The following ST6GALNAC5 variants were observed in gnomAD, a reference collection of about 807,000 sequenced individuals.
The protein encoded by ST6GALNAC5 is alpha-N-acetylgalactosaminide alpha-2,6-sialyltransferase 5.
In ST6GALNAC5, 27 loss-of-function variants were observed where a neutral mutation model predicts 33.6. The observed-to-expected ratio is 0.80, with a 90% CI of 0.59 to 1.11. The LOEUF (loss-of-function observed/expected upper bound fraction) is 1.11, where lower values mean the gene tolerates loss of function less well. Among genes scored for constraint, ST6GALNAC5 ranks in the 50% least tolerant of loss-of-function variants. ST6GALNAC5 has a pLI of 0.00. For missense variants in ST6GALNAC5, 428 were observed against 454.0 expected (o/e 0.94, Z 0.52); for synonymous variants, 194 against 171.2 (o/e 1.13, Z -1.04).
At chr1:76,897,896 A>G (rs1646769566) in intron 2 of ST6GALNAC5, among the ~76,000 whole-genome samples, 1 of 152,186 alleles carries the variant, frequency 6.6e-6, no homozygotes, top group South Asian at 2.1e-4. Flanking sequence ...CAGGCCTTTG[A>G]AAAGAAGGTA....
chr1:76,973,872 G>A (rs373320096), intron 2 of ST6GALNAC5, among the ~76,000 whole-genome samples: 5 of 150,146 alleles, frequency 3.3e-5, no homozygotes, highest in African/African-American at 1.2e-4. Flanking sequence ...AGTTTCATGT[G>A]CATTTAGATA....
At chr1:76,992,138 C>T (rs1175636488) in intron 2 of ST6GALNAC5, among the ~76,000 whole-genome samples, 5 of 152,094 alleles carry the variant, frequency 3.3e-5, no homozygotes, top group Non-Finnish European at 7.4e-5. Flanking sequence ...GTTATAAATT[C>T]ATGGTTAAGG....
intron 2 of ST6GALNAC5, among the ~76,000 whole-genome samples, chr1:76,908,923 A>G (rs1646887696): frequency 6.6e-6 from 1 of 152,120 alleles, no homozygotes; most frequent in African/African-American, 2.4e-5. Context: ...TTGAAGTTTT[A>G]TTTTCTGAAG....
At chr1:77,003,723 A>T (rs1435739136) in intron 2 of ST6GALNAC5, among the ~76,000 whole-genome samples, 1 of 151,458 alleles carries the variant, frequency 6.6e-6, no homozygotes, top group Non-Finnish European at 1.5e-5. Flanking sequence ...CTTGTCTGTA[A>T]AGGATTTTAT....
rs1212973649 is a variant in ST6GALNAC5, at chr1:76,914,777, A to G, written c.261+46035A>G. The stretch of plus-strand genomic sequence containing the variant: ...AGGCATTACCATTCAGGACATAGGC[A>G]TGGGCAAGGACTTCATGACTAAAAC... On this transcript the variant is annotated intron_variant, in intron 2 of 4. Transcript: ENST00000477717. Among the ~76,000 whole-genome samples, 3 of 152,218 alleles carry G rather than the reference A, an allele frequency of 2.0e-5. No individual in the cohort carries two copies. In the East Asian group the frequency reaches 5.8e-4, roughly 29 times the overall value.
chr1:77,003,670 C>G (rs1487756511), intron 2 of ST6GALNAC5, among the ~76,000 whole-genome samples: 1 of 151,686 alleles, frequency 6.6e-6, no homozygotes, highest in Admixed American at 6.6e-5. Context: ...TTCAGGAGCT[C>G]TTGTAAGGCA....
chr1:77,023,858 G>A (rs1651141087), intron 2 of ST6GALNAC5, among the ~76,000 whole-genome samples: 1 of 152,174 alleles, frequency 6.6e-6, no homozygotes, highest in Non-Finnish European at 1.5e-5. Context: ...GCCGGATGGG[G>A]GTAGTCATTG....
chr1:77,017,604 T>C (rs1650899712), intron 2 of ST6GALNAC5, among the ~76,000 whole-genome samples: 1 of 152,212 alleles, frequency 6.6e-6, no homozygotes, highest in African/African-American at 2.4e-5. Flanking sequence ...TTTATGTGTT[T>C]AAATGACAAA....
At chr1:76,963,646 G>T (rs890444001) in intron 2 of ST6GALNAC5, among the ~76,000 whole-genome samples, 1 of 152,160 alleles carries the variant, frequency 6.6e-6, no homozygotes, top group Non-Finnish European at 1.5e-5. Flanking sequence ...CTCAAAAGCA[G>T]GTGAATACTT....
At chr1:77,014,301 C>T (rs1241498252) in intron 2 of ST6GALNAC5, among the ~76,000 whole-genome samples, 1 of 152,202 alleles carries the variant, frequency 6.6e-6, no homozygotes. Flanking sequence ...CAGGATTCCC[C>T]ATCAGGGCCT....
intron 4 of ST6GALNAC5, among the ~76,000 whole-genome samples, chr1:77,059,289 C>G (rs75230566): frequency 0.027 from 4,155 of 152,252 alleles, 73 homozygotes; most frequent in African/African-American, 0.04. Context: ...CCTCCAAGAA[C>G]GAATCCAGGT....
At chr1:76,918,361 T>A (rs1159817759) in intron 2 of ST6GALNAC5, among the ~76,000 whole-genome samples, 1 of 151,404 alleles carries the variant, frequency 6.6e-6, no homozygotes, top group Non-Finnish European at 1.5e-5. Context: ...GACTCACACC[T>A]GTAATCCCAA....
intron 2 of ST6GALNAC5, among the ~76,000 whole-genome samples, chr1:77,026,944 C>T (rs1651263142): frequency 6.6e-6 from 1 of 152,234 alleles, no homozygotes; most frequent in African/African-American, 2.4e-5. Context: ...AGGCACTGCG[C>T]ACAGTGGTTT....
chr1:76,910,221 G>A (rs1646897704), intron 2 of ST6GALNAC5, among the ~76,000 whole-genome samples: 1 of 151,848 alleles, frequency 6.6e-6, no homozygotes, highest in Admixed American at 6.6e-5. Flanking sequence ...CATTTAGTGA[G>A]AATTTGTATT....
At chr1:76,889,014 T>A (rs563371561) in intron 2 of ST6GALNAC5, among the ~76,000 whole-genome samples, 1 of 152,106 alleles carries the variant, frequency 6.6e-6, no homozygotes, top group African/African-American at 2.4e-5. Flanking sequence ...CTTGAATTTA[T>A]TCCTCCTGTC....
chr1:76,937,363 A>G (rs1441008972), intron 2 of ST6GALNAC5, among the ~76,000 whole-genome samples: 2 of 152,068 alleles, frequency 1.3e-5, no homozygotes, highest in African/African-American at 2.4e-5. Flanking sequence ...CTCAAAACTC[A>G]TAGATGTGTA....
intron 2 of ST6GALNAC5, among the ~76,000 whole-genome samples, chr1:77,007,016 G>C (rs952472768): frequency 6.6e-6 from 1 of 152,188 alleles, no homozygotes; most frequent in Non-Finnish European, 1.5e-5. Flanking sequence ...CAGCAAGAGA[G>C]CAAGCTCCAG....
At chr1:76,881,146 C>T (rs750364975) in intron 2 of ST6GALNAC5, among the ~76,000 whole-genome samples, 5 of 151,964 alleles carry the variant, frequency 3.3e-5, no homozygotes, top group African/African-American at 7.3e-5. Flanking sequence ...TATTGTCATC[C>T]GTATCCCAGA....
intron 2 of ST6GALNAC5, among the ~76,000 whole-genome samples, chr1:76,920,701 C>G (rs558685253): frequency 6.6e-6 from 1 of 152,172 alleles, no homozygotes; most frequent in African/African-American, 2.4e-5. Flanking sequence ...AATCAGGGAA[C>G]AATGGCTGGC....
Sources: gnomAD v4.1 joint callset for allele counts (sites outside exome capture counted in the v4.1 genomes callset) on GRCh38, gnomAD v4.1.1 for gene constraint, MANE v1.5 for transcripts, NCBI Gene and HGNC (gene_info 2026-07-23, HGNC 2026-07-21) for gene names.